The following ADD1 variants were observed in gnomAD, a reference collection of about 807,000 sequenced individuals.
ADD1 encodes the protein adducin 1.
Under a neutral mutation model 80.5 loss-of-function variants are expected in ADD1, and 24 were observed. The ratio of observed to expected loss-of-function variants is 0.30; its 90% confidence interval spans 0.22 to 0.42. The LOEUF is 0.42. Among genes scored for constraint, ADD1 ranks in the 10% least tolerant of loss-of-function variants. The probability of loss-of-function intolerance (pLI) is 1.00; values close to 1 mark genes in which losing one functional copy is unlikely to be tolerated. For synonymous variants in ADD1, 373 were observed against 393.8 expected (o/e 0.95, Z 0.63); for missense variants, 948 against 1,019.0 (o/e 0.93, Z 0.95).
At chr4:2,915,933 A>G (rs896382510) in intron 14 of ADD1, among the ~76,000 whole-genome samples, 2 of 152,102 alleles carry the variant, frequency 1.3e-5, no homozygotes, top group Non-Finnish European at 2.9e-5. Flanking sequence ...CCATACTAAG[A>G]CACACCGGGG....
At chr4:2,865,331 A>C (rs1384013181) in intron 1 of ADD1, among the ~76,000 whole-genome samples, 2 of 152,224 alleles carry the variant, frequency 1.3e-5, no homozygotes, top group African/African-American at 4.8e-5. Context: ...AAGTCTTCTT[A>C]GGCTTATTTT....
intron 1 of ADD1, among the ~76,000 whole-genome samples, chr4:2,858,603 A>G (rs750831313): frequency 9.2e-5 from 14 of 152,232 alleles, no homozygotes; most frequent in Non-Finnish European, 1.8e-4. Flanking sequence ...TTGGAAATAT[A>G]AACAGGATAG....
At chr4:2,872,634 T>G (rs548084598) in intron 1 of ADD1, among the ~76,000 whole-genome samples, 1 of 152,382 alleles carries the variant, frequency 6.6e-6, no homozygotes, top group African/African-American at 2.4e-5. Flanking sequence ...CATGGCTCTC[T>G]GCAGCCTTGA....
At position 2,871,849 on chromosome 4, in the gene ADD1, C is replaced by G. The variant is rs568819758; in HGVS notation, c.-20-4047C>G. On this transcript the variant is annotated intron_variant, in intron 1 of 15. Transcript: ENST00000683351. ...ACTAATTTCTTAATACCATCAAAAT[C>G]TAGCTAGTGTTCAAATTTCTAGTTG... Among the ~76,000 whole-genome samples the G allele has an allele frequency of 2.0e-5, 3 of 152,292 alleles. No individual in the cohort carries two copies. The South Asian group carries it at 6.2e-4, about 32-fold the overall frequency.
intron 1 of ADD1, among the ~76,000 whole-genome samples, chr4:2,862,688 C>T (rs953933309): frequency 6.6e-6 from 1 of 152,160 alleles, no homozygotes; most frequent in South Asian, 2.1e-4. Flanking sequence ...ACTCACCTCC[C>T]CACCCCCTGG....
intron 9 of ADD1, chr4:2,902,230 G>T (rs1320717979): frequency 6.6e-6 from 1 of 152,202 alleles, no homozygotes; most frequent in Admixed American, 6.5e-5. Context: ...AGATTACTGA[G>T]TTCTGGCTCT....
rs374428288 is a variant in ADD1 at position 2,926,155 on chromosome 4, C to T, written c.2047+43C>T. The stretch of plus-strand genomic sequence containing the variant: ...GCGGCCGCCACTGTGGGAGGGTGCA[C>T]GGCTCGTGCGCGCTGTGGCGGAATG... On this transcript the variant is annotated intron_variant, in intron 15 of 15. Transcript: ENST00000683351. The surrounding 1 kb of genome is among the most constrained non-coding windows in gnomAD (Gnocchi z 5.0). The T allele has an allele frequency of 3.3e-5, 50 of 1,536,806 alleles. No individual in the cohort carries two copies. The highest frequency in any genetic ancestry group is 1.6e-4 in the African/African-American group (12 of 73,504).
In ADD1 at chr4:2,928,450, C is replaced by A. The variant is rs1215985039; in HGVS notation, c.2327C>A (p.Ser776Tyr). Residue 776 changes from serine (S) to tyrosine (Y), a missense_variant, in exon 16 of 16, where the codon TCC becomes TAC. Transcript: ENST00000683351. ...DPGSDGSPGK[S>Y]PSKKKKKFRT... ...GGCAGCGATGGGTCTCCAGGCAAGT[C>A]CCCGTCCAAAAAGAAGAAGAAGTTC... The A allele has an allele frequency of 1.2e-6, 2 of 1,613,622 alleles. No individual in the cohort carries two copies. The highest frequency in any genetic ancestry group is 1.7e-5 in the Admixed American group (1 of 59,968).
At chr4:2,883,050 A>G (rs927426097) in intron 3 of ADD1, among the ~76,000 whole-genome samples, 4 of 152,106 alleles carry the variant, frequency 2.6e-5, no homozygotes, top group African/African-American at 9.7e-5. Flanking sequence ...TTTAGTAGAG[A>G]CGGATTTCGC....
chr4:2,873,972 G>A (rs1489534534), intron 1 of ADD1, among the ~76,000 whole-genome samples: 4 of 152,230 alleles, frequency 2.6e-5, no homozygotes, highest in African/African-American at 9.6e-5. Flanking sequence ...CACTGTGGAA[G>A]TCTGAGGCAG....
At chr4:2,854,192 C>A (rs1010677777) in intron 1 of ADD1, among the ~76,000 whole-genome samples, 1 of 152,054 alleles carries the variant, frequency 6.6e-6, no homozygotes, top group Admixed American at 6.6e-5. Context: ...AGTGTGGTGG[C>A]ACACGCCTGT....
intron 13 of ADD1, among the ~76,000 whole-genome samples, chr4:2,910,127 A>T (rs186223912): frequency 6.7e-6 from 1 of 148,960 alleles, no homozygotes; most frequent in Non-Finnish European, 1.5e-5. Flanking sequence ...GTAGAAGGAA[A>T]TCCTCCCTAA....
intron 6 of ADD1, among the ~76,000 whole-genome samples, chr4:2,897,665 G>T (rs1473494103): frequency 6.7e-6 from 1 of 150,374 alleles, no homozygotes; most frequent in East Asian, 2.0e-4. Context: ...GACTACAGGT[G>T]CATGCCATCA....
At chr4:2,855,851 C>T (rs1013878966) in intron 1 of ADD1, among the ~76,000 whole-genome samples, 3 of 151,852 alleles carry the variant, frequency 2.0e-5, no homozygotes, top group Non-Finnish European at 4.4e-5. Context: ...AGGCACATGC[C>T]GCCATGACCA....
intron 14 of ADD1, among the ~76,000 whole-genome samples, chr4:2,921,207 A>G (rs1005594462): frequency 6.6e-6 from 1 of 151,926 alleles, no homozygotes; most frequent in African/African-American, 2.4e-5. Context: ...GGCTCACTGC[A>G]AGCTCCGCCT....
chr4:2,876,163 C>G (rs1378846222), intron 2 of ADD1, 53 bp downstream of exon 2: 3 of 1,543,436 alleles, frequency 1.9e-6, no homozygotes, highest in Non-Finnish European at 2.6e-6. Flanking sequence ...TTTTCTAATA[C>G]TTCAGGTCTT....
At chr4:2,915,114 T>C (rs1738774268) in intron 14 of ADD1, 74 bp downstream of exon 14, 1 of 1,478,350 alleles carries the variant, frequency 6.8e-7, no homozygotes, top group Admixed American at 2.4e-5. Context: ...GTGGTCCAGG[T>C]GCTGGCTGTG....
chr4:2,927,619 CT>C (rs1351999144), intron 15 of ADD1, among the ~76,000 whole-genome samples: 1 of 152,254 alleles, frequency 6.6e-6, no homozygotes, highest in East Asian at 1.9e-4. Flanking sequence ...GCCCCCACTC[CT>C]TGCCTTACAG....
At chr4:2,920,135 G>C (rs1299799865) in intron 14 of ADD1, among the ~76,000 whole-genome samples, 1 of 152,202 alleles carries the variant, frequency 6.6e-6, no homozygotes, top group Non-Finnish European at 1.5e-5. Context: ...CAGTTTCCAT[G>C]TAGTTACGCA....
Sources: gnomAD v4.1 joint callset for allele counts (sites outside exome capture counted in the v4.1 genomes callset) on GRCh38, gnomAD v4.1.1 for gene constraint, Gnocchi (gnomAD v3.1) non-coding constraint, MANE v1.5 for transcripts, NCBI Gene and HGNC (gene_info 2026-07-23, HGNC 2026-07-21) for gene names.